The following FNIP1 variants were observed in gnomAD, a reference collection of about 807,000 sequenced individuals.
The protein encoded by FNIP1 is folliculin interacting protein 1.
FNIP1 carries 40 observed loss-of-function variants against 124.5 expected under a neutral mutation model. The ratio of observed to expected loss-of-function variants is 0.32; its 90% CI spans 0.25 to 0.42. The LOEUF is 0.42. Ranked by LOEUF, FNIP1 falls within the 10% of genes least tolerant of loss-of-function variation. The pLI is 1.00. For synonymous variants in FNIP1, 472 were observed against 470.6 expected (o/e 1.00, Z -0.04); for missense variants, 1,176 against 1,403.7 (o/e 0.84, Z 2.59).
rs1216717743 is a variant in FNIP1 at position 131,731,033 on chromosome 5, G to A, written c.225C>T (p.Leu75=). The stretch of plus-strand genomic sequence containing the variant: ...AGACTTTAACTTGAGCATCACTGCC[G>A]AGTTTCTGAAATAACAGATATTTCC... ...RRNEDISVSK[L]GSDAQVKVFG... Residue 75 remains leucine (L), a synonymous_variant, in exon 3 of 18, where the codon CTC becomes CTT. Transcript: ENST00000510461. 6.2e-7 allele frequency: 1 copy of A among 1,602,578 alleles called. No individual in the cohort carries two copies. Among genetic ancestry groups the A allele is most frequent in the East Asian group, 2.2e-5 (1 of 44,694 alleles).
chr5:131,778,894 G>C (rs1337466771), intron 1 of FNIP1, among the ~76,000 whole-genome samples: 2 of 122,854 alleles, frequency 1.6e-5, no homozygotes, highest in African/African-American at 6.3e-5. Flanking sequence ...ACTATCGCAA[G>C]AACAAAAAAC....
chr5:131,761,103 A>G (rs1225070189), intron 1 of FNIP1, among the ~76,000 whole-genome samples: 3 of 152,212 alleles, frequency 2.0e-5, no homozygotes, highest in African/African-American at 7.2e-5. Flanking sequence ...AATAGATTTT[A>G]CTTTAAAGAA....
Position 131,767,518 on chromosome 5 carries a change from T to C in FNIP1, c.93-22828A>G, listed in dbSNP as rs541043416. On this transcript the variant is annotated intron_variant, in intron 1 of 17. Coordinates refer to ENST00000510461, the MANE Select transcript of FNIP1 (RefSeq NM_133372.3). ...GACAAGACATCATTTTGTACCAGTT[T>C]CTATATAATTCAATTTGATCTTGTA... 5.9e-4 allele frequency among the ~76,000 whole-genome samples: 89 copies of C among 151,860 alleles called. 1 individual carries two copies. The highest frequency in any genetic ancestry group is 8.8e-4 in the Non-Finnish European group (60 of 67,908).
intron 1 of FNIP1, among the ~76,000 whole-genome samples, chr5:131,782,921 C>T (rs1772043485): frequency 6.6e-6 from 1 of 152,242 alleles, no homozygotes; most frequent in Non-Finnish European, 1.5e-5. Context: ...CCTCGGCCTC[C>T]CGACGTGCTG....
intron 11 of FNIP1, among the ~76,000 whole-genome samples, chr5:131,685,210 T>G (rs186088140): frequency 6.6e-6 from 1 of 152,068 alleles, no homozygotes; most frequent in Non-Finnish European, 1.5e-5. Flanking sequence ...CTGGACAACA[T>G]AGTAACCCCA....
intron 15 of FNIP1, among the ~76,000 whole-genome samples, chr5:131,669,532 T>TA (rs2149513619): frequency 6.6e-6 from 1 of 152,200 alleles, no homozygotes; most frequent in East Asian, 1.9e-4. Flanking sequence ...ATCTAAAAAT[T>TA]AATTAATGAA....
At chr5:131,740,509 A>C (rs991784029) in intron 2 of FNIP1, among the ~76,000 whole-genome samples, 4 of 152,274 alleles carry the variant, frequency 2.6e-5, no homozygotes, top group African/African-American at 9.6e-5. Flanking sequence ...ATATAACTTA[A>C]CTGGGAACTC....
intron 15 of FNIP1, among the ~76,000 whole-genome samples, chr5:131,666,004 C>A (rs1032811165): frequency 1.3e-5 from 2 of 150,724 alleles, no homozygotes; most frequent in East Asian, 2.0e-4. Flanking sequence ...TGGGTTCAGG[C>A]CATTCTCCTG....
chr5:131,647,817 A>G (rs1047153282), intron 16 of FNIP1, among the ~76,000 whole-genome samples: 2 of 152,156 alleles, frequency 1.3e-5, no homozygotes, highest in Non-Finnish European at 2.9e-5. Context: ...CACTAAGTAC[A>G]TTCAGAATGT....
chr5:131,739,096 G>A (rs571565217), intron 2 of FNIP1, among the ~76,000 whole-genome samples: 3 of 152,036 alleles, frequency 2.0e-5, no homozygotes, highest in African/African-American at 7.2e-5. Context: ...GTTTACAGGC[G>A]TGAGCCACTG....
chr5:131,794,974 T>G (rs1354346824), intron 1 of FNIP1, among the ~76,000 whole-genome samples: 1 of 152,236 alleles, frequency 6.6e-6, no homozygotes, highest in Non-Finnish European at 1.5e-5. Context: ...ATGCTTAAAA[T>G]GTATTTATAC....
chr5:131,647,299 G>T (rs1766914727), intron 16 of FNIP1, 94 bp from the exon 17 acceptor site: 1 of 877,956 alleles, frequency 1.1e-6, no homozygotes, highest in South Asian at 1.5e-5. Flanking sequence ...TGACAATTCT[G>T]TTTGTTTATT....
chr5:131,716,731 AAATTTT>A, intron 5 of FNIP1, 75 bp from the exon 6 acceptor site: 1 of 840,192 alleles, frequency 1.2e-6, no homozygotes, highest in Non-Finnish European at 1.8e-6. Context: ...CATCCTGATG[AAATTTT>A]AAGTGCAAAA....
intron 1 of FNIP1, among the ~76,000 whole-genome samples, chr5:131,756,606 T>G (rs762359272): frequency 1.3e-5 from 2 of 152,030 alleles, no homozygotes; most frequent in Admixed American, 6.6e-5. Context: ...GTGCCCCTAA[T>G]GAACAGCAGA....
intron 2 of FNIP1, among the ~76,000 whole-genome samples, chr5:131,738,970 C>G (rs1770414576): frequency 6.6e-6 from 1 of 152,030 alleles, no homozygotes; most frequent in Admixed American, 6.6e-5. Flanking sequence ...CACTCAGCAC[C>G]ACACCCAGCT....
chr5:131,686,212 A>C (rs1219567062), intron 11 of FNIP1, among the ~76,000 whole-genome samples: 1 of 152,250 alleles, frequency 6.6e-6, no homozygotes, highest in Non-Finnish European at 1.5e-5. Context: ...TTTCAATACA[A>C]AACTGCTCTC....
At chr5:131,728,962 T>C (rs1157404116) in intron 3 of FNIP1, among the ~76,000 whole-genome samples, 1 of 152,170 alleles carries the variant, frequency 6.6e-6, no homozygotes, top group African/African-American at 2.4e-5. Context: ...TCTGCTGGTG[T>C]TTGCTGGTGG....
At chr5:131,704,477 T>C (rs941468165) in intron 9 of FNIP1, among the ~76,000 whole-genome samples, 4 of 152,124 alleles carry the variant, frequency 2.6e-5, no homozygotes, top group African/African-American at 4.8e-5. Context: ...CAGAGTCAGA[T>C]TGGGAACATT....
chr5:131,734,109 A>G (rs1174937007), intron 2 of FNIP1, among the ~76,000 whole-genome samples: 2 of 152,036 alleles, frequency 1.3e-5, no homozygotes, highest in African/African-American at 4.8e-5. Context: ...TTTCTAGTTT[A>G]TTTGCGTAGA....
Sources: gnomAD v4.1 joint callset for allele counts (sites outside exome capture counted in the v4.1 genomes callset) on GRCh38, gnomAD v4.1.1 for gene constraint, MANE v1.5 for transcripts, NCBI Gene and HGNC (gene_info 2026-07-23, HGNC 2026-07-21) for gene names.